PSMB7: variants seen among roughly 807,000 people sequenced by gnomAD.
PSMB7 encodes proteasome subunit beta type-7.
In PSMB7, 5 loss-of-function variants were observed where a neutral mutation model predicts 28.1. That is an observed-to-expected ratio of 0.18 (90% CI 0.09 to 0.37). The LOEUF (loss-of-function observed/expected upper bound fraction) is 0.37, where lower values mean the gene tolerates loss of function less well. Ranked by LOEUF, PSMB7 falls within the 10% of genes least tolerant of loss-of-function variation. PSMB7 has a pLI of 1.00. For missense variants in PSMB7, 275 were observed against 346.2 expected (o/e 0.79, Z 1.63); for synonymous variants, 122 against 123.7 (o/e 0.99, Z 0.09).
chr9:124,364,711 T>C (rs900473935), intron 6 of PSMB7, among the ~76,000 whole-genome samples: 1 of 152,144 alleles, frequency 6.6e-6, no homozygotes, highest in South Asian at 2.1e-4. Flanking sequence ...GAAAGGGCTA[T>C]CACCTGAAAA....
chr9:124,405,340 T>A lies in PSMB7; in HGVS notation c.488A>T (p.Asp163Val). Residue 163 changes from aspartate to valine, a missense_variant, in exon 5 of 8, where the codon GAT becomes GTT. By Grantham distance (152) the Asp-to-Val change is radical. Coordinates refer to ENST00000259457, the MANE Select transcript of PSMB7 (RefSeq NM_002799.4). ...LYSIYPHGST[D>V]KLPYVTMGSG... ...ACCCATGGTGACATAAGGCAACTTA[T>A]CAGTTGATCCATGAGGATAGATGCT... The A allele has an allele frequency of 6.2e-7, 1 of 1,612,962 alleles. No homozygotes were observed. The highest frequency in any genetic ancestry group is 8.5e-7 in the Non-Finnish European group (1 of 1,179,018).
intron 5 of PSMB7, among the ~76,000 whole-genome samples, chr9:124,396,312 GAAAAGGTTGTACTTTAGTGTAAAAA>G (rs1830842889): frequency 2.6e-5 from 2 of 75,836 alleles, no homozygotes; most frequent in Non-Finnish European, 8.9e-5. Flanking sequence ...TAAAAATACA[GAAAAGGTTGTACTTTAGTGTAAAAA>G]TACAGAAAAG....
chr9:124,393,179 A>T (rs1387919575), intron 5 of PSMB7, among the ~76,000 whole-genome samples: 1 of 152,156 alleles, frequency 6.6e-6, no homozygotes, highest in East Asian at 1.9e-4. Context: ...GCACCAGGGG[A>T]CCATATCCAG....
chr9:124,389,132 G>A lies in PSMB7; in HGVS notation c.512-4476C>T, dbSNP rs1418883858. On this transcript the variant is annotated intron_variant, in intron 5 of 7. Coordinates refer to ENST00000259457, the MANE Select transcript of PSMB7 (RefSeq NM_002799.4). Reference sequence around the variant, plus strand: ...ATCGCCTAGTTTACCATACTAGGCTGAATATAAGACAAACTCAAGTGTAGA... The same window carrying A: ...ATCGCCTAGTTTACCATACTAGGCTAAATATAAGACAAACTCAAGTGTAGA... Among the ~76,000 whole-genome samples the A allele has an allele frequency of 2.6e-5, 4 of 152,308 alleles. No homozygotes were observed. In the East Asian group the frequency reaches 7.7e-4, roughly 29 times the overall value.
At chr9:124,405,878 G>A (rs1257142783) in intron 4 of PSMB7, among the ~76,000 whole-genome samples, 4 of 151,856 alleles carry the variant, frequency 2.6e-5, no homozygotes, top group African/African-American at 4.8e-5. Flanking sequence ...GAGAGATGGC[G>A]TCTCGCCAAA....
rs541306111 is a variant in PSMB7 at position 124,388,078 on chromosome 9, C to T, written c.512-3422G>A. On this transcript the variant is annotated intron_variant, in intron 5 of 7. Coordinates refer to ENST00000259457, the MANE Select transcript of PSMB7 (RefSeq NM_002799.4). ...TACATCCTCTTTTCCCTATAAACCA[C>T]TAATAATGCCCTGAGACATTCTGTT... 7.9e-5 allele frequency among the ~76,000 whole-genome samples: 12 copies of T among 152,340 alleles called. No individual in the cohort carries two copies. In the South Asian group the frequency reaches 2.5e-3, roughly 32 times the overall value.
intron 6 of PSMB7, among the ~76,000 whole-genome samples, chr9:124,367,529 G>C (rs897290776): frequency 2.0e-5 from 3 of 152,026 alleles, no homozygotes; most frequent in African/African-American, 4.8e-5. Context: ...GAAGCTTCAG[G>C]GCTCTGGAAC....
chr9:124,368,389 T>C (rs528816228), intron 6 of PSMB7, among the ~76,000 whole-genome samples: 1 of 152,384 alleles, frequency 6.6e-6, no homozygotes, highest in East Asian at 1.9e-4. Flanking sequence ...TAAATTATGC[T>C]ACCCTAACAT....
chr9:124,415,431 C>T lies in PSMB7; in HGVS notation c.-6G>A, dbSNP rs769903195. 2.5e-6 allele frequency: 4 copies of T among 1,613,912 alleles called. No homozygotes were observed. The highest frequency in any genetic ancestry group is 8.5e-7 in the Non-Finnish European group (1 of 1,179,954). On this transcript the variant is annotated 5_prime_UTR_variant, in exon 1 of 8. Transcript: ENST00000259457. Reference sequence around the variant, plus strand: ...TACACCGACACAGCCGCCATCTTCCCAAGAAAGCAGTTCCGGGTCGGAGGC... The same window carrying T: ...TACACCGACACAGCCGCCATCTTCCTAAGAAAGCAGTTCCGGGTCGGAGGC...
At chr9:124,374,884 G>A (rs1212164587) in intron 6 of PSMB7, among the ~76,000 whole-genome samples, 5 of 152,116 alleles carry the variant, frequency 3.3e-5, no homozygotes, top group South Asian at 4.1e-4. Context: ...GCTCATGCCC[G>A]TAATCCCAGC....
At chr9:124,397,927 G>A (rs1222526087) in intron 5 of PSMB7, among the ~76,000 whole-genome samples, 1 of 152,212 alleles carries the variant, frequency 6.6e-6, no homozygotes, top group Admixed American at 6.5e-5. Context: ...CAGCACTTTG[G>A]GAGGCCGAGG....
At chr9:124,398,482 G>C (rs750000777) in intron 5 of PSMB7, 2 of 364,708 alleles carry the variant, frequency 5.5e-6, no homozygotes, top group Non-Finnish European at 5.5e-6. Flanking sequence ...ACTTGGATTG[G>C]AAAGAAACAA....
At chr9:124,390,835 C>T (rs539330058) in intron 5 of PSMB7, among the ~76,000 whole-genome samples, 7 of 152,218 alleles carry the variant, frequency 4.6e-5, no homozygotes, top group South Asian at 2.1e-4. Flanking sequence ...TCACAGTCTC[C>T]GTGTAACAGC....
chr9:124,384,684 T>C (rs1318146166), intron 5 of PSMB7, 28 bp from the exon 6 acceptor site: 1 of 1,604,176 alleles, frequency 6.2e-7, no homozygotes, highest in Non-Finnish European at 8.5e-7. Flanking sequence ...ACTTTTAGTG[T>C]ATTTTATGAT....
At chr9:124,354,779 G>T (rs1000072534) in intron 7 of PSMB7, among the ~76,000 whole-genome samples, 1 of 152,192 alleles carries the variant, frequency 6.6e-6, no homozygotes, top group South Asian at 2.1e-4. Context: ...TGGTGGCAGC[G>T]TGCAGTCTTA....
intron 6 of PSMB7, among the ~76,000 whole-genome samples, chr9:124,366,172 G>C (rs988334066): frequency 1.3e-5 from 2 of 152,180 alleles, no homozygotes; most frequent in Non-Finnish European, 2.9e-5. Flanking sequence ...CAGCACTTTG[G>C]GAGGCCAAAG....
At chr9:124,403,049 G>A (rs1830928142) in intron 5 of PSMB7, among the ~76,000 whole-genome samples, 1 of 152,068 alleles carries the variant, frequency 6.6e-6, no homozygotes, top group Non-Finnish European at 1.5e-5. Flanking sequence ...TCCTAGATGT[G>A]GAGCCAAGAC....
chr9:124,372,160 A>G (rs901942300), intron 6 of PSMB7, among the ~76,000 whole-genome samples: 1 of 152,348 alleles, frequency 6.6e-6, no homozygotes, highest in African/African-American at 2.4e-5. Flanking sequence ...CTTTGCCAAT[A>G]GCTGCACAAG....
chr9:124,415,288 T>C, intron 1 of PSMB7, 76 bp downstream of exon 1: 1 of 1,453,126 alleles, frequency 6.9e-7, no homozygotes, highest in Non-Finnish European at 9.6e-7. Flanking sequence ...AATTCTCGTA[T>C]CACACCTTGG....
Sources: allele counts gnomAD v4.1 joint callset (sites outside exome capture counted in the v4.1 genomes callset), GRCh38; gene constraint gnomAD v4.1.1; transcripts MANE v1.5; gene names NCBI Gene and HGNC (gene_info 2026-07-23, HGNC 2026-07-21).